Variants in TMEM141 observed in about 807,000 individuals in gnomAD.
TMEM141 encodes the protein transmembrane protein 141.
TMEM141 carries 18 observed loss-of-function variants against 15.9 expected under a neutral mutation model. That is an observed-to-expected ratio of 1.13 (90% CI 0.78 to 1.68). The LOEUF is 1.68. TMEM141 is among the 40% of genes most tolerant of loss of function. The pLI, the probability that TMEM141 is intolerant of heterozygous loss-of-function variation, is 0.00. For synonymous variants in TMEM141, 69 were observed against 54.0 expected (o/e 1.28, Z -1.22); for missense variants, 161 against 139.5 (o/e 1.15, Z -0.78).
intron 1 of TMEM141, 120 bp from the exon 2 acceptor site, chr9:136,791,591 C>T (rs1045156574): frequency 3.2e-6 from 5 of 1,566,286 alleles, no homozygotes; most frequent in African/African-American, 1.4e-5. Flanking sequence ...GGAGGTGGGA[C>T]GTGTCCAAGC....
At position 136,792,045 on chromosome 9, in the gene TMEM141, G is replaced by T; in HGVS notation, c.205+15G>T. The stretch of plus-strand genomic sequence containing the variant: ...AGTGGCCGTGGGTGGGTACTCCAGG[G>T]CCCCTGCCTGGGCTCTTTGAGGGGT... On this transcript the variant is annotated intron_variant, in intron 3 of 4. Coordinates refer to ENST00000290079, the MANE Select transcript of TMEM141 (RefSeq NM_032928.4). The T allele has an allele frequency of 6.2e-7, 1 of 1,613,414 alleles. No individual in the cohort carries two copies. Among genetic ancestry groups the T allele is most frequent in the Non-Finnish European group, 8.5e-7 (1 of 1,179,710 alleles).
intron 3 of TMEM141, 43 bp from the exon 4 acceptor site, chr9:136,792,208 G>C: frequency 6.5e-7 from 1 of 1,541,522 alleles, no homozygotes; most frequent in South Asian, 1.2e-5. Flanking sequence ...CTTAGCCTGG[G>C]AAGCACAGAG....
At position 136,792,810 on chromosome 9, in the gene TMEM141, C is replaced by T; in HGVS notation, c.314-9C>T. ...GTGGTTCGAGCTTGTCTCTCTTTGCCTTTTACAGATCAGAGAAGCTAGGAG... is the reference window on the plus strand; with the variant it reads ...GTGGTTCGAGCTTGTCTCTCTTTGCTTTTTACAGATCAGAGAAGCTAGGAG... On this transcript the variant is annotated splice_polypyrimidine_tract_variant and intron_variant, in intron 4 of 4. Coordinates refer to ENST00000290079, the MANE Select transcript of TMEM141 (RefSeq NM_032928.4). 1 of 1,569,130 alleles carries T rather than the reference C, an allele frequency of 6.4e-7. No individual in the cohort carries two copies. The highest frequency in any genetic ancestry group is 8.6e-7 in the Non-Finnish European group (1 of 1,156,586).
intron 4 of TMEM141, 149 bp from the exon 5 acceptor site, chr9:136,792,670 G>C: frequency 1.5e-6 from 1 of 652,644 alleles, no homozygotes; most frequent in South Asian, 2.0e-5. Flanking sequence ...AGTGAGGCTG[G>C]ACTGAGAAGC....
intron 1 of TMEM141, 40 bp from the exon 2 acceptor site, chr9:136,791,671 G>A (rs1457525731): frequency 3.7e-6 from 6 of 1,605,952 alleles, no homozygotes; most frequent in Non-Finnish European, 5.1e-6. Context: ...TGAAGGAAGA[G>A]GGCAGGGGAT....
Position 136,793,127 on chromosome 9 carries a change from C to G in TMEM141, c.*295C>G. 1 of 257,546 alleles carries G rather than the reference C, an allele frequency of 3.9e-6. No homozygotes were observed. The highest frequency in any genetic ancestry group is 2.2e-5 in the African/African-American group (1 of 44,982). The allele number at this position is 257,546 out of a possible 1,614,324, so 16.0% of individuals were successfully genotyped here. On this transcript the variant is annotated 3_prime_UTR_variant, in exon 5 of 5. Coordinates refer to ENST00000290079, the MANE Select transcript of TMEM141 (RefSeq NM_032928.4). ...AGAGGGTGTGTCTGGGGGCCACCAC[C>G]TATGGGACACGGGGTCGAAGGGGCC...
chr9:136,792,024 G>A lies in TMEM141; in HGVS notation c.199G>A (p.Ala67Thr). ...PYPLQWSLLV[A>T]VVAGSVVSYG... ...CCCTTTGCAGTGGAGCCTCCTAGTGGCCGTGGGTGGGTACTCCAGGGCCCC... is the reference window on the plus strand; with the variant it reads ...CCCTTTGCAGTGGAGCCTCCTAGTGACCGTGGGTGGGTACTCCAGGGCCCC... The change falls in exon 3 of 5, where the codon GCC (alanine) becomes ACC (threonine). Residue 67 changes from alanine to threonine, a missense_variant. Physicochemically the swap from Ala to Thr is moderately conservative, Grantham distance 58 (BLOSUM62 0). Transcript: ENST00000290079. The A allele has an allele frequency of 6.2e-7, 1 of 1,613,896 alleles. No individual in the cohort carries two copies. Among genetic ancestry groups the A allele is most frequent in the Non-Finnish European group, 8.5e-7 (1 of 1,179,982 alleles).
chr9:136,791,641 A>G (rs1847590721), intron 1 of TMEM141, 70 bp from the exon 2 acceptor site: 3 of 1,595,098 alleles, frequency 1.9e-6, no homozygotes, highest in Admixed American at 1.7e-5. Context: ...GTGTGCCCAG[A>G]GGAGGGACAG....
intron 4 of TMEM141, among the ~76,000 whole-genome samples, 165 bp from the exon 5 acceptor site, chr9:136,792,654 G>A (rs1406773690): frequency 6.6e-6 from 1 of 152,236 alleles, no homozygotes; most frequent in Non-Finnish European, 1.5e-5. Flanking sequence ...GTGGGCACCC[G>A]AGAGGAGTGA....
chr9:136,791,356 C>G lies in TMEM141; in HGVS notation c.-15C>G, dbSNP rs201674770. ...CCTGCGCCTGCGCAGGCCCGCTCCC[C>G]GAGCCCTGCCAACCATGGTGAACTT... is the stretch of plus-strand genomic sequence containing the variant. On this transcript the variant is annotated 5_prime_UTR_variant, in exon 1 of 5. Coordinates refer to ENST00000290079, the MANE Select transcript of TMEM141 (RefSeq NM_032928.4). 2.3e-3 allele frequency: 3,569 copies of G among 1,555,576 alleles called. 84 individuals carry two copies. The African/African-American group carries it at 0.043, about 19-fold the overall frequency.
chr9:136,792,601 G>A (rs1248776438), intron 4 of TMEM141, among the ~76,000 whole-genome samples: 1 of 152,210 alleles, frequency 6.6e-6, no homozygotes, highest in East Asian at 1.9e-4. Context: ...AGATTGAGAG[G>A]AAGGGTGCAG....
chr9:136,792,137 G>A, intron 3 of TMEM141, 107 bp downstream of exon 3: 2 of 1,533,482 alleles, frequency 1.3e-6, no homozygotes, highest in Non-Finnish European at 1.8e-6. Context: ...CCAGGTCTCG[G>A]CGGGAGCCCC....
intron 4 of TMEM141, among the ~76,000 whole-genome samples, chr9:136,792,572 A>C (rs1228800573): frequency 6.6e-6 from 1 of 152,180 alleles, no homozygotes; most frequent in African/African-American, 2.4e-5. Flanking sequence ...AAGAACCAAG[A>C]GGGGCTGGGG....
At position 136,792,460 on chromosome 9, in the gene TMEM141, G is replaced by A. The variant is rs3824577; in HGVS notation, c.313+102G>A. On this transcript the variant is annotated intron_variant, in intron 4 of 4. Coordinates refer to ENST00000290079, the MANE Select transcript of TMEM141 (RefSeq NM_032928.4). The stretch of plus-strand genomic sequence containing the variant: ...TGCACCATGCGATAGGCTAGACAAG[G>A]TCCCTCCCTCTGGCCCGGCCTCCTC... 6.1e-4 allele frequency: 599 copies of A among 989,176 alleles called. 4 individuals carry two copies. The East Asian group carries it at 0.015, about 24-fold the overall frequency. The allele number at this position is 989,176 out of a possible 1,614,324, so 61.3% of individuals were successfully genotyped here. A position where few individuals can be genotyped will look rare whatever the true frequency, so the allele number is the denominator to read the frequency against.
At position 136,792,824 on chromosome 9, in the gene TMEM141, A is replaced by C; in HGVS notation, c.319A>C (p.Arg107=). The C allele has an allele frequency of 1.9e-6, 3 of 1,567,528 alleles. No homozygotes were observed. Among genetic ancestry groups the C allele is most frequent in the Non-Finnish European group, 2.6e-6 (3 of 1,155,836 alleles). ...TCTCTCTTTGCCTTTTACAGATCAGAGAAGCTAGGAGAGCTCCAGCAGGGG... is the reference window on the plus strand; with the variant it reads ...TCTCTCTTTGCCTTTTACAGATCAGCGAAGCTAGGAGAGCTCCAGCAGGGG... ...QLPKDRSTDQ[R]S Residue 107 remains arginine, a synonymous_variant, in exon 5 of 5, where the codon AGA becomes CGA. Transcript: ENST00000290079.
intron 4 of TMEM141, 37 bp from the exon 5 acceptor site, chr9:136,792,782 G>T: frequency 6.7e-7 from 1 of 1,501,664 alleles, no homozygotes; most frequent in Non-Finnish European, 9.0e-7. Context: ...AGCCACGATG[G>T]ATGTGGTTCG....
Position 136,791,425 on chromosome 9 carries a change from G to A in TMEM141, c.54+1G>A, listed in dbSNP as rs781068038. On this transcript the variant is annotated splice_donor_variant, in intron 1 of 4. Transcript: ENST00000290079. LOFTEE classifies it high-confidence loss of function. Reference sequence around the variant, plus strand: ...CGACGCCGTGGCTGCCAAGCACCCGGTGAGAAGGCCGGTCTGGGACGCGGG... The same window carrying A: ...CGACGCCGTGGCTGCCAAGCACCCGATGAGAAGGCCGGTCTGGGACGCGGG... 1 of 1,556,800 alleles carries A rather than the reference G, an allele frequency of 6.4e-7. No homozygotes were observed. The highest frequency in any genetic ancestry group is 1.2e-5 in the South Asian group (1 of 84,868).
Position 136,791,407 on chromosome 9 carries a change from G to A in TMEM141, c.37G>A (p.Val13Met), listed in dbSNP as rs867065255. 1.3e-6 allele frequency: 2 copies of A among 1,559,638 alleles called. No homozygotes were observed. Among genetic ancestry groups the A allele is most frequent in the Admixed American group, 3.8e-5 (2 of 52,370 alleles). The stretch of plus-strand genomic sequence containing the variant: ...GGGTCTGTCCCGGGTGGACGACGCC[G>A]TGGCTGCCAAGCACCCGGTGAGAAG... Reference protein sequence around the residue: ...NLGLSRVDDAVAAKHPGLGEY... With the variant: ...NLGLSRVDDAMAAKHPGLGEY... Residue 13 changes from valine to methionine, a missense_variant, in exon 1 of 5, where the codon GTG (valine) becomes ATG (methionine). Transcript: ENST00000290079.
intron 1 of TMEM141, 64 bp downstream of exon 1, chr9:136,791,488 G>A (rs1847589340): frequency 5.2e-6 from 8 of 1,548,086 alleles, no homozygotes; most frequent in African/African-American, 2.7e-5. Context: ...GAGGCGGGGG[G>A]CCGGGGCGTG....
Sources: allele counts gnomAD v4.1 joint callset (sites outside exome capture counted in the v4.1 genomes callset), GRCh38; gene constraint gnomAD v4.1.1; transcripts MANE v1.5; gene names NCBI Gene and HGNC (gene_info 2026-07-23, HGNC 2026-07-21).